The following HS2ST1 variants were observed in gnomAD, a reference collection of about 807,000 sequenced individuals.
The protein encoded by HS2ST1 is heparan sulfate 2-O-sulfotransferase 1.
Under a neutral mutation model 42.9 loss-of-function variants are expected in HS2ST1, and 18 were observed. The observed-to-expected ratio is 0.42, with a 90% CI of 0.29 to 0.62. The LOEUF (loss-of-function observed/expected upper bound fraction) is 0.62, where lower values mean the gene tolerates loss of function less well. Among genes scored for constraint, HS2ST1 ranks in the 20% least tolerant of loss-of-function variants. The probability of loss-of-function intolerance (pLI) is 0.21; values close to 1 mark genes in which losing one functional copy is unlikely to be tolerated. For synonymous variants in HS2ST1, 146 were observed against 152.9 expected (o/e 0.95, Z 0.33); for missense variants, 334 against 433.8 (o/e 0.77, Z 2.04).
chr1:87,086,054 T>G lies in HS2ST1; in HGVS notation c.449+1775T>G, dbSNP rs540796728. On this transcript the variant is annotated intron_variant, in intron 3 of 6. Transcript: ENST00000370550. ...TCAGCCTAGGTGAAATGTATTTTGA[T>G]GTATCTATGTAATCAAGAACTGTTG... Among the ~76,000 whole-genome samples, 16 of 152,318 alleles carry G rather than the reference T, an allele frequency of 1.1e-4. 1 individual carries two copies. The South Asian group carries it at 2.9e-3, about 28-fold the overall frequency.
chr1:87,039,572 T>A (rs973414403), intron 1 of HS2ST1, among the ~76,000 whole-genome samples: 1 of 152,182 alleles, frequency 6.6e-6, no homozygotes, highest in African/African-American at 2.4e-5. Context: ...CTTAATGAAT[T>A]TCTGGATTTT....
intron 1 of HS2ST1, among the ~76,000 whole-genome samples, chr1:86,963,517 T>G (rs1647918853): frequency 6.6e-6 from 1 of 152,354 alleles, no homozygotes; most frequent in South Asian, 2.1e-4. Context: ...AGAATTTTTC[T>G]TAGTACAGAA....
chr1:86,941,124 A>G (rs1391415636), intron 1 of HS2ST1, among the ~76,000 whole-genome samples: 1 of 152,242 alleles, frequency 6.6e-6, no homozygotes, highest in African/African-American at 2.4e-5. Flanking sequence ...ATCTTCGTGA[A>G]TAGTTACTGA....
chr1:86,940,370 T>C (rs1429127031), intron 1 of HS2ST1, among the ~76,000 whole-genome samples: 1 of 152,028 alleles, frequency 6.6e-6, no homozygotes, highest in African/African-American at 2.4e-5. Context: ...CAAGTCCCTA[T>C]TAAAAAAGAA....
chr1:86,952,726 A>G (rs186244134), intron 1 of HS2ST1, among the ~76,000 whole-genome samples: 128 of 152,372 alleles, frequency 8.4e-4, no homozygotes, highest in Middle Eastern at 6.8e-3. Flanking sequence ...ATAGGTCTCA[A>G]CAGTGGGCTT....
chr1:86,988,550 C>T (rs762968204), intron 1 of HS2ST1, among the ~76,000 whole-genome samples: 1 of 152,180 alleles, frequency 6.6e-6, no homozygotes, highest in African/African-American at 2.4e-5. Context: ...AATGTTGGTT[C>T]GAGCTCGAGA....
In HS2ST1 at chr1:87,017,500, C is replaced by A. The variant is rs948922024; in HGVS notation, c.125-55434C>A. Among the ~76,000 whole-genome samples the A allele has an allele frequency of 3.3e-5, 5 of 152,090 alleles. No homozygotes were observed. In the South Asian group the frequency reaches 1.0e-3, roughly 31 times the overall value. On this transcript the variant is annotated intron_variant, in intron 1 of 6. Coordinates refer to ENST00000370550, the MANE Select transcript of HS2ST1 (RefSeq NM_012262.4). Reference sequence around the variant, plus strand: ...ATATGCCATAGTCTAGCCATTATAACCATATGTTATATATACATAGCAAGG... The same window carrying A: ...ATATGCCATAGTCTAGCCATTATAAACATATGTTATATATACATAGCAAGG...
At chr1:86,920,555 T>TA (rs1485746964) in intron 1 of HS2ST1, among the ~76,000 whole-genome samples, 1 of 152,156 alleles carries the variant, frequency 6.6e-6, no homozygotes, top group African/African-American at 2.4e-5. Context: ...TCACCTGAAA[T>TA]AGTTGATCTC....
intron 1 of HS2ST1, among the ~76,000 whole-genome samples, chr1:86,935,865 G>A (rs1199481547): frequency 3.3e-5 from 5 of 152,140 alleles, no homozygotes; most frequent in Non-Finnish European, 7.4e-5. Flanking sequence ...TCACATGAAA[G>A]TTGCGCAGAT....
At chr1:86,920,950 A>G (rs915386807) in intron 1 of HS2ST1, among the ~76,000 whole-genome samples, 3 of 152,098 alleles carry the variant, frequency 2.0e-5, no homozygotes, top group Non-Finnish European at 4.4e-5. Flanking sequence ...AGTGGATTTT[A>G]AGTGTTTTCA....
intron 5 of HS2ST1, among the ~76,000 whole-genome samples, chr1:87,100,215 CT>C (rs1379966230): frequency 1.3e-5 from 2 of 152,172 alleles, no homozygotes; most frequent in East Asian, 3.9e-4. Flanking sequence ...TAGGTGGAAT[CT>C]GCAATCTAGG....
At chr1:87,000,582 A>G (rs1649253941) in intron 1 of HS2ST1, among the ~76,000 whole-genome samples, 2 of 152,190 alleles carry the variant, frequency 1.3e-5, no homozygotes, top group African/African-American at 2.4e-5. Flanking sequence ...TCCTGTTCCA[A>G]AAAAATGATC....
intron 1 of HS2ST1, among the ~76,000 whole-genome samples, chr1:86,966,453 A>G (rs867767882): frequency 6.6e-6 from 1 of 152,224 alleles, no homozygotes; most frequent in Non-Finnish European, 1.5e-5. Flanking sequence ...CTCTAATTTT[A>G]TGGAATGTTC....
intron 1 of HS2ST1, among the ~76,000 whole-genome samples, chr1:87,053,553 C>T (rs1557529529): frequency 6.6e-6 from 1 of 152,054 alleles, no homozygotes; most frequent in Non-Finnish European, 1.5e-5. Flanking sequence ...TTTAGTTTTA[C>T]TTTGGAAAAA....
intron 1 of HS2ST1, among the ~76,000 whole-genome samples, chr1:87,028,817 C>T (rs991151359): frequency 1.3e-5 from 2 of 152,084 alleles, no homozygotes; most frequent in African/African-American, 2.4e-5. Context: ...AAATTTACTG[C>T]CACTGTTCTG....
In HS2ST1 at chr1:87,103,424, G is replaced by A. The variant is rs1286436729; in HGVS notation, c.687-8G>A. ...AACCAGGTTTTAATTCCTTTTCTTTGGTTTCAGGAATGTGGGAAGCAGGTG... is the reference window on the plus strand; with the variant it reads ...AACCAGGTTTTAATTCCTTTTCTTTAGTTTCAGGAATGTGGGAAGCAGGTG... On this transcript the variant is annotated splice_region_variant and splice_polypyrimidine_tract_variant and intron_variant, in intron 5 of 6. Coordinates refer to ENST00000370550, the MANE Select transcript of HS2ST1 (RefSeq NM_012262.4). 1.3e-6 allele frequency: 2 copies of A among 1,585,266 alleles called. No individual in the cohort carries two copies. Among genetic ancestry groups the A allele is most frequent in the African/African-American group, 2.7e-5 (2 of 73,070 alleles).
intron 1 of HS2ST1, among the ~76,000 whole-genome samples, chr1:86,929,831 G>T (rs1009685256): frequency 6.6e-6 from 1 of 151,716 alleles, no homozygotes; most frequent in Non-Finnish European, 1.5e-5. Flanking sequence ...TCAAATAGAG[G>T]AATATGTTCT....
chr1:86,977,089 A>G (rs1329080996), intron 1 of HS2ST1, among the ~76,000 whole-genome samples: 1 of 152,138 alleles, frequency 6.6e-6, no homozygotes, highest in Non-Finnish European at 1.5e-5. Flanking sequence ...CCATGGCATC[A>G]TAATCTGATT....
chr1:87,007,687 A>G (rs997516725), intron 1 of HS2ST1, among the ~76,000 whole-genome samples: 4 of 152,226 alleles, frequency 2.6e-5, no homozygotes, highest in African/African-American at 7.2e-5. Flanking sequence ...AGGCTACTTC[A>G]TGACACTTGA....
Sources: allele counts gnomAD v4.1 joint callset (sites outside exome capture counted in the v4.1 genomes callset), GRCh38; gene constraint gnomAD v4.1.1; transcripts MANE v1.5; gene names NCBI Gene and HGNC (gene_info 2026-07-23, HGNC 2026-07-21).